The following AP3B1 variants were observed in gnomAD, a reference collection of about 807,000 sequenced individuals.
AP3B1 encodes AP-3 complex subunit beta-1.
A neutral mutation model predicts 132.5 loss-of-function variants in AP3B1; 61 were observed. The ratio of observed to expected loss-of-function variants is 0.46; its 90% confidence interval spans 0.37 to 0.57. The LOEUF (loss-of-function observed/expected upper bound fraction) is 0.57. Ranked by LOEUF, AP3B1 falls within the 20% of genes least tolerant of loss-of-function variation. The pLI, the probability that AP3B1 is intolerant of heterozygous loss-of-function variation, is 0.00. For missense variants in AP3B1, 1,120 were observed against 1,289.4 expected, an observed-to-expected ratio of 0.87 and a Z score of 2.01; for synonymous variants, 388 against 438.3, an observed-to-expected ratio of 0.89 and a Z score of 1.43.
Position 78,273,134 on chromosome 5 carries a change from C to T in AP3B1, c.129-5539G>A, listed in dbSNP as rs1321877766. ...GAGCCCCTAGGCCAGGACAGTGGCT[C>T]ACACCTATTAATATAATCCCAGCAG... On this transcript the variant is annotated intron_variant, in intron 1 of 26. Coordinates refer to ENST00000255194, the MANE Select transcript of AP3B1 (RefSeq NM_003664.5). Among the ~76,000 whole-genome samples, 7 of 148,710 alleles carry T rather than the reference C, an allele frequency of 4.7e-5. No individual in the cohort carries two copies. The East Asian group carries it at 5.9e-4, about 13-fold the overall frequency.
Position 78,049,971 on chromosome 5 carries a change from G to A in AP3B1, c.2578-10697C>T, listed in dbSNP as rs984525779. 5.3e-5 allele frequency among the ~76,000 whole-genome samples: 8 copies of A among 152,244 alleles called. No homozygotes were observed. The South Asian group carries it at 1.5e-3, about 28-fold the overall frequency. ...CATGTTACCCCTCTGCTCAAAACCCGCCAATGGCCAGGATCCTTGTTCCAT... is the reference window on the plus strand; with the variant it reads ...CATGTTACCCCTCTGCTCAAAACCCACCAATGGCCAGGATCCTTGTTCCAT... On this transcript the variant is annotated intron_variant, in intron 22 of 26. Transcript: ENST00000255194.
At chr5:78,217,586 C>T (rs965277908) in intron 6 of AP3B1, among the ~76,000 whole-genome samples, 4 of 151,972 alleles carry the variant, frequency 2.6e-5, no homozygotes, top group African/African-American at 9.7e-5. Context: ...ATGTCTTCTG[C>T]AAAAGACATA....
At chr5:78,187,423 C>A (rs943346600) in intron 7 of AP3B1, among the ~76,000 whole-genome samples, 2 of 152,170 alleles carry the variant, frequency 1.3e-5, no homozygotes, top group African/African-American at 4.8e-5. Context: ...ACCATCTACT[C>A]ATTCCATTTC....
intron 20 of AP3B1, among the ~76,000 whole-genome samples, chr5:78,109,372 T>C (rs768030754): frequency 2.0e-5 from 3 of 152,090 alleles, no homozygotes; most frequent in Non-Finnish European, 2.9e-5. Flanking sequence ...AGATAACATA[T>C]TGAAGAGATT....
At chr5:78,001,936 T>A (rs1746211567), downstream of AP3B1, 1 of 152,210 alleles carries the variant, frequency 6.6e-6, no homozygotes, top group African/African-American at 2.4e-5. Context: ...AAGATGCTAA[T>A]AGGTTGATCA....
intron 22 of AP3B1, among the ~76,000 whole-genome samples, chr5:78,085,037 CACATAA>C (rs140072205): frequency 0.052 from 7,927 of 152,190 alleles, 692 homozygotes; most frequent in African/African-American, 0.18. Context: ...AACAACCATG[CACATAA>C]ATCTGTGTAA....
chr5:78,219,037 A>G (rs1187257575), intron 6 of AP3B1, among the ~76,000 whole-genome samples: 1 of 152,146 alleles, frequency 6.6e-6, no homozygotes, highest in Non-Finnish European at 1.5e-5. Flanking sequence ...TCAACATTAA[A>G]TCAATAACTT....
At chr5:78,117,992 T>C (rs1414862340) in intron 17 of AP3B1, among the ~76,000 whole-genome samples, 2 of 152,232 alleles carry the variant, frequency 1.3e-5, no homozygotes, top group African/African-American at 2.4e-5. Flanking sequence ...TAAAGGAGTC[T>C]ACAGCATGAC....
At chr5:78,034,240 G>C (rs536705835) in intron 24 of AP3B1, 121 bp downstream of exon 24, 1 of 793,508 alleles carries the variant, frequency 1.3e-6, no homozygotes, top group East Asian at 2.6e-5. Flanking sequence ...CATTATCAAA[G>C]CAAAACATAT....
At chr5:78,193,763 TATA>T (rs1186801152) in intron 7 of AP3B1, among the ~76,000 whole-genome samples, 3 of 125,568 alleles carry the variant, frequency 2.4e-5, no homozygotes, top group African/African-American at 9.1e-5. Context: ...TATATATATA[TATA>T]TATATTTTTT....
At chr5:78,241,678 A>G (rs1747147139) in intron 2 of AP3B1, among the ~76,000 whole-genome samples, 1 of 152,194 alleles carries the variant, frequency 6.6e-6, no homozygotes, top group South Asian at 2.1e-4. Flanking sequence ...ACTGTTCTAC[A>G]ATCTCTGAAA....
At chr5:78,266,422 C>A (rs1309689943) in intron 2 of AP3B1, among the ~76,000 whole-genome samples, 1 of 152,116 alleles carries the variant, frequency 6.6e-6, no homozygotes, top group African/African-American at 2.4e-5. Flanking sequence ...CCTACAGATA[C>A]AATTAGTACT....
intron 19 of AP3B1, among the ~76,000 whole-genome samples, chr5:78,112,695 C>G (rs1025543491): frequency 2.0e-5 from 3 of 152,118 alleles, no homozygotes; most frequent in Non-Finnish European, 1.5e-5. Context: ...GTGAATGATT[C>G]TAAATATATT....
At chr5:78,081,456 C>T (rs1287559242) in intron 22 of AP3B1, among the ~76,000 whole-genome samples, 4 of 151,886 alleles carry the variant, frequency 2.6e-5, no homozygotes, top group African/African-American at 9.7e-5. Flanking sequence ...TACAGGCGCC[C>T]GCCACTGCGC....
At position 78,239,761 on chromosome 5, in the gene AP3B1, G is replaced by A. The variant is rs59220558; in HGVS notation, c.279+1101C>T. Among the ~76,000 whole-genome samples, 625 of 124,824 alleles carry A rather than the reference G, an allele frequency of 5.0e-3. 3 individuals are homozygous for A. The highest frequency in any genetic ancestry group is 0.019 in the African/African-American group (590 of 31,644). The allele number at this position is 124,824 out of a possible 152,430, so 81.9% of individuals were successfully genotyped here. On this transcript the variant is annotated intron_variant, in intron 3 of 26. Transcript: ENST00000255194. ...ACCACTGCACTCCAGCCTGAGTGACGAAGTGAGACTCTGTCTCAAAAAAAA... is the reference window on the plus strand; with the variant it reads ...ACCACTGCACTCCAGCCTGAGTGACAAAGTGAGACTCTGTCTCAAAAAAAA...
At chr5:78,083,447 C>G (rs1053685291) in intron 22 of AP3B1, among the ~76,000 whole-genome samples, 1 of 152,166 alleles carries the variant, frequency 6.6e-6, no homozygotes, top group Non-Finnish European at 1.5e-5. Flanking sequence ...TTCTTACACA[C>G]AAAATTGTCT....
chr5:78,174,335 G>C (rs4704486), intron 11 of AP3B1, among the ~76,000 whole-genome samples: 27,785 of 152,086 alleles, frequency 0.18, 2,812 homozygotes, highest in Admixed American at 0.27. Flanking sequence ...TACTACCTTT[G>C]GTCTTTGATG....
At position 78,020,724 on chromosome 5, in the gene AP3B1, G is replaced by A. The variant is rs150453581; in HGVS notation, c.2960C>T (p.Ala987Val). Residue 987 changes from alanine (A) to valine (V), a missense_variant, in exon 25 of 27, where the codon GCC becomes GTC. Physicochemically the swap from Ala to Val is moderately conservative, Grantham distance 64. Transcript: ENST00000255194. ...TTTCTTAAAATCTTTCTCTGACATGGCCACAGGTAAAAGCAGTTCTCCAAC... is the reference window on the plus strand; with the variant it reads ...TTTCTTAAAATCTTTCTCTGACATGACCACAGGTAAAAGCAGTTCTCCAAC... ...PPVGELLLPV[A>V]MSEKDFKKEQ... is the part of the protein sequence containing the mutation. 11 of 1,612,386 alleles carry A rather than the reference G, an allele frequency of 6.8e-6. No homozygotes were observed. Among genetic ancestry groups the A allele is most frequent in the Admixed American group, 1.7e-5 (1 of 59,916 alleles).
At chr5:78,242,230 G>GACCTTACTC (rs1219278660) in intron 2 of AP3B1, among the ~76,000 whole-genome samples, 2 of 152,130 alleles carry the variant, frequency 1.3e-5, no homozygotes, top group Admixed American at 6.6e-5. Context: ...CTATTAAAAT[G>GACCTTACTC]ACCTTACTCA....
Sources: gnomAD v4.1 joint callset for allele counts (sites outside exome capture counted in the v4.1 genomes callset) on GRCh38, gnomAD v4.1.1 for gene constraint, MANE v1.5 for transcripts, NCBI Gene and HGNC (gene_info 2026-07-23, HGNC 2026-07-21) for gene names.